Variants in LRP2 observed in about 807,000 individuals in gnomAD.
The protein encoded by LRP2 is low-density lipoprotein receptor-related protein 2.
LRP2 carries 172 observed loss-of-function variants against 531.0 expected under a neutral mutation model. That is an observed-to-expected ratio of 0.32 (90% CI 0.29 to 0.37). LRP2 has a LOEUF of 0.37. Among genes scored for constraint, LRP2 ranks in the 10% least tolerant of loss-of-function variants. The pLI is 1.00. For synonymous variants in LRP2, 1,992 were observed against 2,027.6 expected (o/e 0.98, Z 0.47); for missense variants, 5,167 against 5,868.3 (o/e 0.88, Z 3.90).
intron 34 of LRP2, among the ~76,000 whole-genome samples, 175 bp from the exon 35 acceptor site, chr2:169,216,605 A>G (rs956543152): frequency 6.6e-6 from 1 of 152,170 alleles, no homozygotes; most frequent in Non-Finnish European, 1.5e-5. Flanking sequence ...GTGTTCTACC[A>G]ATGTCGGTAT....
intron 63 of LRP2, among the ~76,000 whole-genome samples, chr2:169,161,266 C>A (rs2268377): frequency 0.5 from 75,834 of 151,792 alleles, 19,458 homozygotes; most frequent in Admixed American, 0.61. Flanking sequence ...TAGACAATAA[C>A]AGCAACTCAA....
At chr2:169,247,826 T>A (rs986083516) in intron 19 of LRP2, among the ~76,000 whole-genome samples, 3 of 152,128 alleles carry the variant, frequency 2.0e-5, no homozygotes, top group Non-Finnish European at 4.4e-5. Flanking sequence ...GGGGAATTCT[T>A]CTACAGAGCA....
chr2:169,319,293 C>G (rs1441177596), intron 2 of LRP2, among the ~76,000 whole-genome samples: 1 of 152,070 alleles, frequency 6.6e-6, no homozygotes, highest in African/African-American at 2.4e-5. Context: ...AAAGAAAACC[C>G]AAAATCAAAT....
chr2:169,219,503 C>T (rs913113997), intron 34 of LRP2, among the ~76,000 whole-genome samples: 2 of 152,192 alleles, frequency 1.3e-5, no homozygotes, highest in Admixed American at 6.5e-5. Context: ...TGGCCCTGGC[C>T]TCTCTCCACA....
chr2:169,172,858 TTAA>T (rs1687053762), intron 57 of LRP2, among the ~76,000 whole-genome samples: 1 of 152,212 alleles, frequency 6.6e-6, no homozygotes, highest in African/African-American at 2.4e-5. Context: ...TTCTAACATC[TTAA>T]TAACGTCTTC....
intron 4 of LRP2, among the ~76,000 whole-genome samples, chr2:169,306,795 G>C (rs1258226642): frequency 2.0e-5 from 3 of 152,022 alleles, no homozygotes; most frequent in Non-Finnish European, 2.9e-5. Flanking sequence ...GTCTTATTTT[G>C]TGGTGATCAG....
intron 49 of LRP2, 76 bp downstream of exon 49, chr2:169,187,894 G>A: frequency 6.1e-6 from 9 of 1,479,076 alleles, no homozygotes; most frequent in Non-Finnish European, 8.5e-6. Context: ...AGGTTGGAAA[G>A]TCTAAGTCGT....
At chr2:169,187,905 GA>G in intron 49 of LRP2, 64 bp downstream of exon 49, 1 of 1,535,090 alleles carries the variant, frequency 6.5e-7, no homozygotes, top group Non-Finnish European at 9.0e-7. Context: ...TCTAAGTCGT[GA>G]AGGGTTGAGA....
intron 51 of LRP2, 94 bp downstream of exon 51, chr2:169,182,073 A>T (rs1687459278): frequency 6.6e-7 from 1 of 1,512,134 alleles, no homozygotes; most frequent in Non-Finnish European, 9.2e-7. Context: ...CCAGCAAGAC[A>T]TTGGCCTTGA....
chr2:169,167,283 CTAAT>C (rs1686820104), intron 61 of LRP2, among the ~76,000 whole-genome samples: 1 of 152,074 alleles, frequency 6.6e-6, no homozygotes, highest in Admixed American at 6.5e-5. Flanking sequence ...ATAATGAACA[CTAAT>C]TAAAGTTTTC....
chr2:169,134,683 C>A (rs1163330630), intron 76 of LRP2, among the ~76,000 whole-genome samples: 2 of 152,208 alleles, frequency 1.3e-5, no homozygotes, highest in South Asian at 4.1e-4. Flanking sequence ...CTCACTCTTG[C>A]AAAGGGACTA....
In LRP2 at chr2:169,235,246, T is replaced by TAA. The variant is rs1559032275; in HGVS notation, c.4920+593_4920+594insTT. ...TATAAATTTTTGCTTGAAAAAAATT[T>TAA]TTTTTTTTTTTGAGATGGAGTCTCA... On this transcript the variant is annotated intron_variant, in intron 29 of 78. Coordinates refer to ENST00000649046, the MANE Select transcript of LRP2 (RefSeq NM_004525.3). Among the ~76,000 whole-genome samples, 1,114 of 125,020 alleles carry TAA rather than the reference T, an allele frequency of 8.9e-3. 7 individuals carry two copies. The highest frequency in any genetic ancestry group is 0.038 in the African/African-American group (1,015 of 26,918). The allele number at this position is 125,020 out of a possible 152,430, so 82.0% of individuals were successfully genotyped here.
intron 7 of LRP2, among the ~76,000 whole-genome samples, chr2:169,291,252 T>TA (rs1173674837): frequency 6.6e-6 from 1 of 152,202 alleles, no homozygotes; most frequent in African/African-American, 2.4e-5. Context: ...AAGAAGCAGA[T>TA]ATGGGCCTCA....
intron 1 of LRP2, among the ~76,000 whole-genome samples, chr2:169,332,269 T>A (rs1559080093): frequency 6.6e-6 from 1 of 152,238 alleles, no homozygotes; most frequent in South Asian, 2.1e-4. Flanking sequence ...ATGGACCTTC[T>A]TGACTGAATC....
chr2:169,138,145 C>T (rs1021310085), intron 75 of LRP2, among the ~76,000 whole-genome samples: 1 of 152,128 alleles, frequency 6.6e-6, no homozygotes, highest in Non-Finnish European at 1.5e-5. Context: ...TGGACCAACG[C>T]CAACTCTAAA....
chr2:169,139,770 G>T, intron 72 of LRP2, 160 bp from the exon 73 acceptor site: 1 of 722,394 alleles, frequency 1.4e-6, no homozygotes, highest in Non-Finnish European at 2.5e-6. Context: ...GCCAAGAGAA[G>T]ACAAGCAGAA....
intron 65 of LRP2, 118 bp downstream of exon 65, chr2:169,156,156 T>TAA: frequency 7.2e-7 from 1 of 1,393,120 alleles, no homozygotes; most frequent in Non-Finnish European, 9.9e-7. Flanking sequence ...CTGGCGAGTT[T>TAA]AAAAAAAAAG....
intron 2 of LRP2, among the ~76,000 whole-genome samples, chr2:169,319,281 G>A (rs997342293): frequency 3.9e-5 from 6 of 151,960 alleles, no homozygotes; most frequent in Admixed American, 6.6e-5. Context: ...ATGAGATTTG[G>A]GAAAGAAAAC....
At chr2:169,288,221 G>T (rs1683908209) in intron 9 of LRP2, among the ~76,000 whole-genome samples, 1 of 152,126 alleles carries the variant, frequency 6.6e-6, no homozygotes, top group South Asian at 2.1e-4. Context: ...AAAACTCACT[G>T]AGAAAACAAA....
Sources: gnomAD v4.1 joint callset for allele counts (sites outside exome capture counted in the v4.1 genomes callset) on GRCh38, gnomAD v4.1.1 for gene constraint, MANE v1.5 for transcripts, NCBI Gene and HGNC (gene_info 2026-07-23, HGNC 2026-07-21) for gene names.